The following ACSBG2 variants were observed in gnomAD, a reference collection of about 807,000 sequenced individuals.
ACSBG2 encodes acyl-CoA synthetase bubblegum family member 2.
A neutral mutation model predicts 74.7 loss-of-function variants in ACSBG2; 62 were observed. That is an observed-to-expected ratio of 0.83 (90% CI 0.68 to 1.03). The LOEUF is 1.03. Among genes scored for constraint, ACSBG2 ranks in the 50% least tolerant of loss-of-function variants. ACSBG2 has a pLI of 0.00. For missense variants in ACSBG2, 730 were observed against 817.6 expected (o/e 0.89, Z 1.31); for synonymous variants, 309 against 294.1 (o/e 1.05, Z -0.52).
In ACSBG2 at chr19:6,147,568, T is replaced by C. The variant is rs149614793; in HGVS notation, c.190T>C (p.Phe64Leu). ...ATTTTTTCGAGAGTCAGTCAACCGATTTGGAACTTATCCAGCCCTCGCATC... is the reference window on the plus strand; with the variant it reads ...ATTTTTTCGAGAGTCAGTCAACCGACTTGGAACTTATCCAGCCCTCGCATC... The part of the protein sequence containing the change: ...PEFFRESVNR[F>L]GTYPALASKN... The change falls in exon 3 of 15, where the codon TTT (phenylalanine) becomes CTT (leucine). Residue 64 changes from phenylalanine to leucine, a missense_variant. Transcript: ENST00000588485. 41 of 1,614,164 alleles carry C rather than the reference T, an allele frequency of 2.5e-5. No homozygotes were observed. The African/African-American group carries it at 5.1e-4, about 20-fold the overall frequency.
chr19:6,157,679 A>G (rs1276551035), intron 5 of ACSBG2, among the ~76,000 whole-genome samples: 2 of 151,966 alleles, frequency 1.3e-5, no homozygotes, highest in African/African-American at 4.8e-5. Flanking sequence ...AGCCTCCCAA[A>G]GTGCTGGGAT....
At chr19:6,159,717 T>C (rs1332379323) in intron 5 of ACSBG2, among the ~76,000 whole-genome samples, 1 of 152,166 alleles carries the variant, frequency 6.6e-6, no homozygotes, top group Non-Finnish European at 1.5e-5. Context: ...CTCTAGCGGT[T>C]TTCTGTTGGA....
intron 6 of ACSBG2, 200 bp downstream of exon 6, chr19:6,161,495 G>C (rs1270723869): frequency 1.9e-6 from 1 of 526,440 alleles, no homozygotes; most frequent in African/African-American, 1.9e-5. Context: ...AGGAAAGTGG[G>C]TGTGACCTTT....
chr19:6,177,140 G>A lies in ACSBG2; in HGVS notation c.739-89G>A, dbSNP rs574254229. The A allele has an allele frequency of 4.6e-5, 65 of 1,420,598 alleles. No homozygotes were observed. The Middle Eastern group carries it at 8.1e-4, about 18-fold the overall frequency. The allele number at this position is 1,420,598 out of a possible 1,614,324, so 88.0% of individuals were successfully genotyped here. A position where few individuals can be genotyped will look rare whatever the true frequency, so the allele number is the denominator to read the frequency against. ...CACACCACTGCACTCCAGTCTGGGT[G>A]AGCCCTGTCTGAAAAATAAATAAAA... On this transcript the variant is annotated intron_variant, in intron 7 of 14. Coordinates refer to ENST00000588485, the MANE Select transcript of ACSBG2 (RefSeq NM_030924.5).
chr19:6,156,538 A>C lies in ACSBG2; in HGVS notation c.494A>C (p.Gln165Pro). The change falls in exon 5 of 15, where the codon CAG becomes CCG. Residue 165 changes from glutamine to proline, a missense_variant. Gln to Pro is a moderately conservative substitution (Grantham distance 76). Transcript: ENST00000588485. ...CTGGTTGAGAATGATCAACAGTTAC[A>C]GAAAATCCTTTCGGTAAACCCCTAC... ...ILLVENDQQL[Q>P]KILSIPQSSL... 6.3e-7 allele frequency: 1 copy of C among 1,579,308 alleles called. No homozygotes were observed.
chr19:6,141,473 T>C (rs1221703348), intron 1 of ACSBG2, 40 bp from the exon 2 acceptor site: 1 of 1,018,174 alleles, frequency 9.8e-7, no homozygotes, highest in African/African-American at 1.6e-5. Context: ...TACAGCCCCT[T>C]TGCCAATCCT....
intron 13 of ACSBG2, among the ~76,000 whole-genome samples, chr19:6,188,252 C>A (rs1048580108): frequency 1.3e-5 from 2 of 152,186 alleles, no homozygotes; most frequent in African/African-American, 4.8e-5. Context: ...CCTCTTCCCC[C>A]TCAGAGCAGC....
intron 2 of ACSBG2, among the ~76,000 whole-genome samples, chr19:6,143,938 T>G (rs1035561557): frequency 4.0e-5 from 6 of 150,832 alleles, no homozygotes; most frequent in African/African-American, 1.5e-4. Context: ...AATAGGATCA[T>G]TGAAGTAATT....
intron 5 of ACSBG2, among the ~76,000 whole-genome samples, chr19:6,158,181 G>A (rs111684355): frequency 0.058 from 8,810 of 151,446 alleles, 297 homozygotes; most frequent in African/African-American, 0.1. Context: ...TCAGCCTCCC[G>A]AGTAGCTGGG....
chr19:6,176,394 T>A, intron 7 of ACSBG2: 1 of 1,524,266 alleles, frequency 6.6e-7, no homozygotes, highest in Non-Finnish European at 8.8e-7. Context: ...CATCTCATGC[T>A]TGTCTGTCAG....
chr19:6,144,708 T>C (rs915157143), intron 2 of ACSBG2, among the ~76,000 whole-genome samples: 1 of 152,042 alleles, frequency 6.6e-6, no homozygotes, highest in African/African-American at 2.4e-5. Context: ...TCTTTTTTTT[T>C]CTTTGAGACA....
At position 6,147,655 on chromosome 19, in the gene ACSBG2, G is replaced by T; in HGVS notation, c.277G>T (p.Ala93Ser). The stretch of plus-strand genomic sequence containing the variant: ...CCAGTACTATGAGGCTTGTCGGAAG[G>T]CTGCAAAATCCTTGATCAAGGTAAG... ...FNQYYEACRK[A>S]AKSLIKLGLE... Residue 93 changes from alanine (A) to serine (S), a missense_variant, in exon 3 of 15, where the codon GCT becomes TCT. Ala to Ser is a moderately conservative substitution (Grantham distance 99). Transcript: ENST00000588485. The T allele has an allele frequency of 6.2e-7, 1 of 1,614,140 alleles. No individual in the cohort carries two copies. The highest frequency in any genetic ancestry group is 8.5e-7 in the Non-Finnish European group (1 of 1,179,970).
intron 1 of ACSBG2, among the ~76,000 whole-genome samples, chr19:6,140,215 A>T (rs1724041921): frequency 8.7e-6 from 1 of 115,596 alleles, no homozygotes. Flanking sequence ...ACAGAGCAAG[A>T]CTCCGTCTCA....
At chr19:6,161,103 A>AAAAG (rs2089595123) in intron 5 of ACSBG2, 112 bp from the exon 6 acceptor site, 1 of 834,038 alleles carries the variant, frequency 1.2e-6, no homozygotes, top group East Asian at 2.8e-5. Flanking sequence ...GTGTCTCAAA[A>AAAAG]AAAAAAAAAG....
chr19:6,165,040 G>C (rs574351138), intron 6 of ACSBG2, among the ~76,000 whole-genome samples: 6 of 152,196 alleles, frequency 3.9e-5, no homozygotes, highest in African/African-American at 1.2e-4. Flanking sequence ...GCCTTTGGTC[G>C]TAAGTGACAA....
At chr19:6,190,812 T>G (rs35121049) in intron 14 of ACSBG2, 120 bp downstream of exon 14, 4 of 335,278 alleles carry the variant, frequency 1.2e-5, no homozygotes, top group Non-Finnish European at 1.7e-5. Context: ...CACACATACA[T>G]ACACACACAC....
intron 10 of ACSBG2, 137 bp from the exon 11 acceptor site, chr19:6,185,299 C>G: frequency 1.2e-6 from 1 of 810,402 alleles, no homozygotes; most frequent in Non-Finnish European, 2.0e-6. Context: ...GCAAACACCT[C>G]CTTCTGTGCG....
At chr19:6,171,351 T>C (rs2089959669) in intron 7 of ACSBG2, among the ~76,000 whole-genome samples, 1 of 152,178 alleles carries the variant, frequency 6.6e-6, no homozygotes, top group African/African-American at 2.4e-5. Context: ...TGGTAGCAAG[T>C]ATTGTTCTTT....
chr19:6,176,396 G>A, intron 7 of ACSBG2: 1 of 1,521,138 alleles, frequency 6.6e-7, no homozygotes, highest in Non-Finnish European at 8.8e-7. Context: ...TCTCATGCTT[G>A]TCTGTCAGTT....
Sources: allele counts gnomAD v4.1 joint callset (sites outside exome capture counted in the v4.1 genomes callset), GRCh38; gene constraint gnomAD v4.1.1; transcripts MANE v1.5; gene names NCBI Gene and HGNC (gene_info 2026-07-23, HGNC 2026-07-21).